DCTN6: variants seen among roughly 807,000 people sequenced by gnomAD.
The protein encoded by DCTN6 is dynactin subunit 6, also known as dynactin 6.
A neutral mutation model predicts 25.8 loss-of-function variants in DCTN6; 15 were observed. That is an observed-to-expected ratio of 0.58 (90% CI 0.39 to 0.89). The LOEUF (loss-of-function observed/expected upper bound fraction) is 0.89. DCTN6 is among the 40% of genes least tolerant of loss of function. DCTN6 has a pLI of 0.00. For synonymous variants in DCTN6, 64 were observed against 78.3 expected, an observed-to-expected ratio of 0.82 and a Z score of 0.96; for missense variants, 198 against 237.6, an observed-to-expected ratio of 0.83 and a Z score of 1.09.
chr8:30,178,171 T>C (rs1035785791), intron 4 of DCTN6, among the ~76,000 whole-genome samples: 1 of 152,094 alleles, frequency 6.6e-6, no homozygotes, highest in Non-Finnish European at 1.5e-5. Context: ...TCTAAAAAGA[T>C]AGTAAAATCA....
intron 6 of DCTN6, 74 bp from the exon 7 acceptor site, chr8:30,183,001 A>T (rs190864998): frequency 1.0e-5 from 13 of 1,279,778 alleles, no homozygotes; most frequent in African/African-American, 7.3e-5. Flanking sequence ...GGCATGACCC[A>T]CCACGCCTGG....
At chr8:30,156,896 G>C (rs1187157221) in intron 1 of DCTN6, among the ~76,000 whole-genome samples, 10 of 152,176 alleles carry the variant, frequency 6.6e-5, no homozygotes, top group African/African-American at 2.4e-4. Flanking sequence ...AGGGATTTAC[G>C]GTCGCTGTCA....
At chr8:30,157,127 GTTATTTCCCTCT>G (rs914608309) in intron 1 of DCTN6, among the ~76,000 whole-genome samples, 1 of 152,256 alleles carries the variant, frequency 6.6e-6, no homozygotes, top group African/African-American at 2.4e-5. Context: ...CCCAGTGTCT[GTTATTTCCCTCT>G]TTATGTTTAT....
intron 4 of DCTN6, among the ~76,000 whole-genome samples, chr8:30,177,852 T>G (rs1392876820): frequency 1.3e-5 from 2 of 152,240 alleles, no homozygotes; most frequent in Non-Finnish European, 2.9e-5. Flanking sequence ...AGTATGCCGT[T>G]TTTAGACAAA....
chr8:30,180,711 G>A (rs1243935401), intron 6 of DCTN6, 81 bp downstream of exon 6: 4 of 1,486,406 alleles, frequency 2.7e-6, no homozygotes, highest in Non-Finnish European at 3.7e-6. Context: ...GAGGCAGCAG[G>A]TACACTATTT....
chr8:30,171,281 G>C (rs1424136453), intron 2 of DCTN6, among the ~76,000 whole-genome samples: 1 of 151,446 alleles, frequency 6.6e-6, no homozygotes, highest in East Asian at 1.9e-4. Flanking sequence ...ACAGTGTCTT[G>C]CTCTGTTGCC....
chr8:30,174,126 A>T (rs1803800120), intron 2 of DCTN6, among the ~76,000 whole-genome samples: 1 of 152,200 alleles, frequency 6.6e-6, no homozygotes, highest in African/African-American at 2.4e-5. Flanking sequence ...CCCACGCCAA[A>T]GTCCTCGGAC....
chr8:30,183,269 A>C lies in DCTN6; in HGVS notation c.*96A>C. The C allele has an allele frequency of 1.1e-6, 1 of 902,208 alleles. No homozygotes were observed. The highest frequency in any genetic ancestry group is 1.7e-6 in the Non-Finnish European group (1 of 600,486). 55.9% of individuals were successfully genotyped at this position (902,208 alleles called of 1,614,324 possible). A position where few individuals can be genotyped will look rare whatever the true frequency, so the allele number is the denominator to read the frequency against. The stretch of plus-strand genomic sequence containing the variant: ...TGTACTCTTAACAACTCACAGAATA[A>C]TACATGTTCACTTTATTTTGTAAAA... On this transcript the variant is annotated 3_prime_UTR_variant, in exon 7 of 7. Transcript: ENST00000221114.
intron 5 of DCTN6, 97 bp from the exon 6 acceptor site, chr8:30,180,391 G>A (rs566851052): frequency 3.7e-4 from 543 of 1,470,086 alleles, no homozygotes; most frequent in Middle Eastern, 3.6e-3. Context: ...TTTTCTTGAG[G>A]CCAGTTTACA....
rs376651362 is a variant in DCTN6 at position 30,165,863 on chromosome 8, G to GA, written c.88+1701dup. 821 of 130,598 alleles carry GA rather than the reference G, an allele frequency of 6.3e-3. 4 individuals are homozygous for GA. Among genetic ancestry groups the GA allele is most frequent in the African/African-American group, 0.019 (677 of 35,614 alleles). 8.1% of individuals were successfully genotyped at this position (130,598 alleles called of 1,614,324 possible). ...GCAACAAGAGCGAAACTCCTTCTCA[G>GA]AAAAAAAAAAAAAGAAAAAAGAAAA... is the stretch of plus-strand genomic sequence containing the variant. On this transcript the variant is annotated intron_variant, in intron 2 of 6. Coordinates refer to ENST00000221114, the MANE Select transcript of DCTN6 (RefSeq NM_006571.4).
chr8:30,177,685 C>T (rs1803860069), intron 4 of DCTN6, among the ~76,000 whole-genome samples: 1 of 152,014 alleles, frequency 6.6e-6, no homozygotes, highest in African/African-American at 2.4e-5. Flanking sequence ...CCACTGCACT[C>T]CAGCCTGGGT....
At chr8:30,176,267 T>C (rs1236465504) in intron 3 of DCTN6, among the ~76,000 whole-genome samples, 1 of 152,186 alleles carries the variant, frequency 6.6e-6, no homozygotes, top group African/African-American at 2.4e-5. Context: ...TGGTGCCTCA[T>C]GCCTGTAATC....
At chr8:30,164,944 C>A (rs1803645780) in intron 2 of DCTN6, among the ~76,000 whole-genome samples, 1 of 152,202 alleles carries the variant, frequency 6.6e-6, no homozygotes, top group South Asian at 2.1e-4. Flanking sequence ...AAGACAATCT[C>A]ATGGACACAT....
In DCTN6 at chr8:30,183,083, A is replaced by G. The variant is rs749453554; in HGVS notation, c.483A>G (p.Thr161=). Residue 161 remains threonine, a synonymous_variant, in exon 7 of 7, where the codon ACA becomes ACG. Coordinates refer to ENST00000221114, the MANE Select transcript of DCTN6 (RefSeq NM_006571.4). The stretch of plus-strand genomic sequence containing the variant: ...TTACCTTATCTTTTTAGCCCCAGAC[A>G]CTACAGCTGGATTTCTTGATGAAAA... The part of the protein sequence containing the change: ...RVQTERPQPQ[T]LQLDFLMKIL... 8 of 1,614,060 alleles carry G rather than the reference A, an allele frequency of 5.0e-6. No individual in the cohort carries two copies. The highest frequency in any genetic ancestry group is 4.4e-5 in the South Asian group (4 of 91,090).
chr8:30,176,384 T>G (rs1052656197), intron 3 of DCTN6, among the ~76,000 whole-genome samples: 7 of 150,888 alleles, frequency 4.6e-5, no homozygotes, highest in African/African-American at 1.7e-4. Context: ...AAAAAAAAAT[T>G]AGCCGGGCGT....
intron 5 of DCTN6, 100 bp from the exon 6 acceptor site, chr8:30,180,388 G>A (rs1165894216): frequency 6.9e-7 from 1 of 1,450,634 alleles, no homozygotes. Context: ...CTTTTTTCTT[G>A]AGGCCAGTTT....
At chr8:30,168,189 A>G (rs531424605) in intron 2 of DCTN6, among the ~76,000 whole-genome samples, 10 of 152,348 alleles carry the variant, frequency 6.6e-5, no homozygotes, top group African/African-American at 2.4e-4. Flanking sequence ...GAAGAGTTAT[A>G]TAGTTACCCA....
intron 6 of DCTN6, 53 bp from the exon 7 acceptor site, chr8:30,183,022 G>A: frequency 1.3e-6 from 2 of 1,504,668 alleles, no homozygotes; most frequent in Non-Finnish European, 1.8e-6. Flanking sequence ...TTGCTGTGTG[G>A]TACTCTTGAC....
intron 2 of DCTN6, among the ~76,000 whole-genome samples, chr8:30,174,193 C>A (rs1260059959): frequency 6.6e-6 from 1 of 152,188 alleles, no homozygotes; most frequent in Non-Finnish European, 1.5e-5. Context: ...TCAGCTTTCA[C>A]TGGTTTAAAT....
Sources: gnomAD v4.1 joint callset for allele counts (sites outside exome capture counted in the v4.1 genomes callset) on GRCh38, gnomAD v4.1.1 for gene constraint, MANE v1.5 for transcripts, NCBI Gene and HGNC (gene_info 2026-07-23, HGNC 2026-07-21) for gene names.